The following LDB2 variants were observed in gnomAD, a reference collection of about 807,000 sequenced individuals.
LDB2 encodes the protein LIM domain binding 2.
A neutral mutation model predicts 44.3 loss-of-function variants in LDB2; 12 were observed. The observed-to-expected ratio is 0.27, with a 90% confidence interval of 0.17 to 0.44. The LOEUF (loss-of-function observed/expected upper bound fraction) is 0.44, where lower values mean the gene tolerates loss of function less well. LDB2 is among the 20% of genes least tolerant of loss of function. The pLI is 1.00. For missense variants in LDB2, 344 were observed against 473.5 expected, an observed-to-expected ratio of 0.73 and a Z score of 2.54; for synonymous variants, 164 against 174.8, an observed-to-expected ratio of 0.94 and a Z score of 0.49.
chr4:16,885,908 A>G (rs1721537915), intron 1 of LDB2, among the ~76,000 whole-genome samples: 1 of 152,302 alleles, frequency 6.6e-6, no homozygotes, highest in South Asian at 2.1e-4. Context: ...CTTCTACCGC[A>G]ATGGGAGATA....
chr4:16,756,612 T>A (rs776695065), intron 2 of LDB2, among the ~76,000 whole-genome samples: 65 of 152,326 alleles, frequency 4.3e-4, no homozygotes, highest in South Asian at 2.7e-3. Flanking sequence ...TCTACAAATG[T>A]CTATGCATTT....
At chr4:16,801,655 A>G (rs1426373334) in intron 1 of LDB2, among the ~76,000 whole-genome samples, 1 of 152,238 alleles carries the variant, frequency 6.6e-6, no homozygotes, top group Non-Finnish European at 1.5e-5. Context: ...CAATAGTGCA[A>G]CATAATAATG....
intron 2 of LDB2, among the ~76,000 whole-genome samples, chr4:16,694,442 A>G (rs1272852871): frequency 6.6e-6 from 1 of 152,240 alleles, no homozygotes; most frequent in Admixed American, 6.5e-5. Context: ...TAATCGCTGC[A>G]TTAAATGGAA....
At chr4:16,568,871 C>T (rs1745451453) in intron 5 of LDB2, among the ~76,000 whole-genome samples, 1 of 152,112 alleles carries the variant, frequency 6.6e-6, no homozygotes, top group Admixed American at 6.5e-5. Flanking sequence ...AGGATAAGAC[C>T]CACTGTCGAA....
At chr4:16,696,854 G>A (rs1752238448) in intron 2 of LDB2, among the ~76,000 whole-genome samples, 1 of 152,076 alleles carries the variant, frequency 6.6e-6, no homozygotes, top group Admixed American at 6.6e-5. Flanking sequence ...AGATTTCCAG[G>A]CTCTACCCAG....
At chr4:16,517,197 CCTGT>C (rs1460924016) in intron 5 of LDB2, among the ~76,000 whole-genome samples, 1 of 152,146 alleles carries the variant, frequency 6.6e-6, no homozygotes, top group African/African-American at 2.4e-5. Context: ...GGCTATACAG[CCTGT>C]CTTTCAAATT....
chr4:16,578,422 A>G (rs1381614340), intron 5 of LDB2, among the ~76,000 whole-genome samples: 1 of 152,228 alleles, frequency 6.6e-6, no homozygotes, highest in African/African-American at 2.4e-5. Flanking sequence ...ACAAAAAGAG[A>G]CATACAAATG....
chr4:16,856,848 T>C (rs1260008430), intron 1 of LDB2, among the ~76,000 whole-genome samples: 1 of 152,224 alleles, frequency 6.6e-6, no homozygotes, highest in Non-Finnish European at 1.5e-5. Flanking sequence ...TCCAAAGTTA[T>C]ACAGCTAATG....
chr4:16,663,375 G>T (rs992733520), intron 2 of LDB2, among the ~76,000 whole-genome samples: 1 of 152,160 alleles, frequency 6.6e-6, no homozygotes, highest in South Asian at 2.1e-4. Flanking sequence ...TAATTGGGAC[G>T]TAACTGAGTA....
intron 1 of LDB2, among the ~76,000 whole-genome samples, chr4:16,895,131 A>AAG (rs1554067969): frequency 6.6e-6 from 1 of 151,700 alleles, no homozygotes. Flanking sequence ...AAAAAAAAAA[A>AAG]AAAAAAGAAA....
At chr4:16,645,429 C>T (rs1736475174) in intron 2 of LDB2, among the ~76,000 whole-genome samples, 1 of 149,670 alleles carries the variant, frequency 6.7e-6, no homozygotes, top group African/African-American at 2.5e-5. Context: ...CCCAGCTACT[C>T]GGGAGGCTGA....
At chr4:16,567,828 G>A (rs1745102964) in intron 5 of LDB2, among the ~76,000 whole-genome samples, 1 of 152,174 alleles carries the variant, frequency 6.6e-6, no homozygotes, top group South Asian at 2.1e-4. Flanking sequence ...TGGATTTTGT[G>A]CTATATGAAT....
At chr4:16,802,298 T>C (rs935252860) in intron 1 of LDB2, among the ~76,000 whole-genome samples, 2 of 152,192 alleles carry the variant, frequency 1.3e-5, no homozygotes, top group Non-Finnish European at 2.9e-5. Flanking sequence ...TGCTTCTTTG[T>C]TGTTCACCAG....
intron 1 of LDB2, among the ~76,000 whole-genome samples, chr4:16,852,396 C>T (rs1481122264): frequency 6.6e-6 from 1 of 152,168 alleles, no homozygotes; most frequent in Non-Finnish European, 1.5e-5. Context: ...TCATACACAT[C>T]TGCAATGCAA....
At chr4:16,647,544 T>G (rs1737124988) in intron 2 of LDB2, among the ~76,000 whole-genome samples, 1 of 152,230 alleles carries the variant, frequency 6.6e-6, no homozygotes, top group Non-Finnish European at 1.5e-5. Flanking sequence ...TGATCACTTT[T>G]GCAAGGCAGT....
intron 2 of LDB2, among the ~76,000 whole-genome samples, chr4:16,645,409 C>A (rs10440299): frequency 6.6e-6 from 1 of 151,284 alleles, no homozygotes; most frequent in South Asian, 2.1e-4. Context: ...CGGTGGCGGG[C>A]GCCTGTAGTC....
rs532383808 is a variant in LDB2, at chr4:16,768,203, T to A, written c.133-8943A>T. Among the ~76,000 whole-genome samples, 218 of 152,244 alleles carry A rather than the reference T, an allele frequency of 1.4e-3. 1 individual carries two copies. Among genetic ancestry groups the A allele is most frequent in the East Asian group, 3.7e-3 (19 of 5,182 alleles). ...ATTCCTTGAAAATGTGTTTTTTTTT[T>A]ATTAAAATAAACTTAAACAGGTCAA... is the stretch of plus-strand genomic sequence containing the variant. On this transcript the variant is annotated intron_variant, in intron 1 of 7. Transcript: ENST00000304523.
At chr4:16,868,040 G>A (rs185874151) in intron 1 of LDB2, among the ~76,000 whole-genome samples, 1 of 152,282 alleles carries the variant, frequency 6.6e-6, no homozygotes, top group East Asian at 1.9e-4. Context: ...AAGCCCTACA[G>A]TAGTTACATA....
At chr4:16,653,651 C>G (rs192208369) in intron 2 of LDB2, 1 of 152,146 alleles carries the variant, frequency 6.6e-6, no homozygotes, top group East Asian at 1.9e-4. Context: ...AAACAGACTT[C>G]GTAGACAAGT....
Sources: allele counts gnomAD v4.1 joint callset (sites outside exome capture counted in the v4.1 genomes callset), GRCh38; gene constraint gnomAD v4.1.1; transcripts MANE v1.5; gene names NCBI Gene and HGNC (gene_info 2026-07-23, HGNC 2026-07-21).